AGBL4: variants seen among roughly 807,000 people sequenced by gnomAD.
AGBL4 encodes cytosolic carboxypeptidase 6.
AGBL4 carries 58 observed loss-of-function variants against 66.4 expected under a neutral mutation model. That is an observed-to-expected ratio of 0.87 (90% confidence interval 0.71 to 1.09). The LOEUF (loss-of-function observed/expected upper bound fraction) is 1.09. Ranked by LOEUF, AGBL4 falls within the 50% of genes least tolerant of loss-of-function variation. The pLI is 0.00. For synonymous variants in AGBL4, 234 were observed against 222.9 expected (o/e 1.05, Z -0.44); for missense variants, 579 against 631.0 (o/e 0.92, Z 0.88).
chr1:48,618,478 C>T (rs1645355839), intron 9 of AGBL4, among the ~76,000 whole-genome samples: 1 of 152,132 alleles, frequency 6.6e-6, no homozygotes, highest in Non-Finnish European at 1.5e-5. Flanking sequence ...CATTGCCCTG[C>T]CCTGGGCTGA....
chr1:49,075,979 T>G (rs1644702091), intron 4 of AGBL4, among the ~76,000 whole-genome samples: 1 of 152,208 alleles, frequency 6.6e-6, no homozygotes, highest in Non-Finnish European at 1.5e-5. Flanking sequence ...GTGATGATTA[T>G]TCACAGAAAA....
At chr1:49,801,089 A>T (rs1286207497) in intron 2 of AGBL4, among the ~76,000 whole-genome samples, 1 of 152,168 alleles carries the variant, frequency 6.6e-6, no homozygotes, top group African/African-American at 2.4e-5. Flanking sequence ...CAGCCAAAAA[A>T]CACATGAAAA....
chr1:49,085,686 G>C, intron 4 of AGBL4, among the ~76,000 whole-genome samples: 1 of 152,022 alleles, frequency 6.6e-6, no homozygotes, highest in East Asian at 2.0e-4. Context: ...GACTGTCTGG[G>C]CTCAGTGCTG....
chr1:49,912,819 C>T (rs1207216558), intron 1 of AGBL4, among the ~76,000 whole-genome samples: 1 of 152,038 alleles, frequency 6.6e-6, no homozygotes, highest in Non-Finnish European at 1.5e-5. Context: ...GAGGATAATT[C>T]CACAACAAAA....
At chr1:48,731,943 G>A (rs1256096661) in intron 6 of AGBL4, among the ~76,000 whole-genome samples, 1 of 152,192 alleles carries the variant, frequency 6.6e-6, no homozygotes, top group African/African-American at 2.4e-5. Context: ...GAGTCTGGAA[G>A]CTGCCAGAGT....
chr1:49,036,551 T>C (rs769207325), intron 5 of AGBL4, among the ~76,000 whole-genome samples: 1 of 152,010 alleles, frequency 6.6e-6, no homozygotes, highest in Non-Finnish European at 1.5e-5. Context: ...AGTCAGTGTC[T>C]TGATATGATT....
At chr1:49,755,869 A>G (rs990913379) in intron 2 of AGBL4, among the ~76,000 whole-genome samples, 5 of 152,192 alleles carry the variant, frequency 3.3e-5, no homozygotes, top group African/African-American at 1.2e-4. Flanking sequence ...ATGCAAACTT[A>G]ACTATGTCAC....
intron 3 of AGBL4, among the ~76,000 whole-genome samples, chr1:49,589,858 C>A (rs926950376): frequency 6.6e-6 from 1 of 151,978 alleles, no homozygotes; most frequent in Non-Finnish European, 1.5e-5. Flanking sequence ...AAAAACTTCA[C>A]CCTTCCTTAT....
chr1:49,955,520 T>A (rs900263842), intron 1 of AGBL4, among the ~76,000 whole-genome samples: 44 of 151,924 alleles, frequency 2.9e-4, no homozygotes, highest in Middle Eastern at 3.2e-3. Context: ...TATATTCTAA[T>A]GAGATCTAAT....
At chr1:48,748,465 T>A (rs1243028381) in intron 6 of AGBL4, among the ~76,000 whole-genome samples, 1 of 152,150 alleles carries the variant, frequency 6.6e-6, no homozygotes, top group Non-Finnish European at 1.5e-5. Context: ...CCACCAGCCA[T>A]GTGGCTAACA....
intron 6 of AGBL4, among the ~76,000 whole-genome samples, chr1:48,820,287 T>C (rs1289903131): frequency 2.0e-5 from 3 of 152,124 alleles, no homozygotes; most frequent in Non-Finnish European, 4.4e-5. Context: ...CAGAGACCTA[T>C]AACTGGTACA....
intron 1 of AGBL4, among the ~76,000 whole-genome samples, chr1:49,900,307 G>A (rs187873605): frequency 2.5e-3 from 375 of 151,894 alleles, no homozygotes; most frequent in Non-Finnish European, 4.5e-3. Flanking sequence ...GTGCAATGGC[G>A]CAGTCTCGGC....
chr1:48,628,788 A>C (rs1206810245), intron 9 of AGBL4, among the ~76,000 whole-genome samples: 3 of 151,278 alleles, frequency 2.0e-5, no homozygotes, highest in Non-Finnish European at 2.9e-5. Context: ...GACCAGTACA[A>C]ATGCAGATTT....
chr1:49,419,928 C>A (rs565062221), intron 3 of AGBL4, among the ~76,000 whole-genome samples: 69 of 152,242 alleles, frequency 4.5e-4, no homozygotes, highest in African/African-American at 1.6e-3. Flanking sequence ...CTTGAACCAA[C>A]AGCATCAGCA....
intron 6 of AGBL4, chr1:48,727,872 G>GA: frequency 1.3e-6 from 2 of 1,598,624 alleles, no homozygotes; most frequent in Non-Finnish European, 1.7e-6. Flanking sequence ...AAAGCTTTAT[G>GA]AAAAATCCAA....
chr1:49,791,842 T>G (rs973631702), intron 2 of AGBL4, among the ~76,000 whole-genome samples: 4 of 152,138 alleles, frequency 2.6e-5, no homozygotes, highest in African/African-American at 9.6e-5. Context: ...TATATGTGTG[T>G]TCATTAATTT....
At chr1:49,576,280 G>A (rs1000335466) in intron 3 of AGBL4, among the ~76,000 whole-genome samples, 2 of 152,202 alleles carry the variant, frequency 1.3e-5, no homozygotes, top group Admixed American at 1.3e-4. Flanking sequence ...GTCCAGAACA[G>A]GAGAAGGCTC....
intron 11 of AGBL4, among the ~76,000 whole-genome samples, chr1:48,539,997 AGC>A (rs1176670149): frequency 6.6e-6 from 1 of 152,132 alleles, no homozygotes; most frequent in Non-Finnish European, 1.5e-5. Flanking sequence ...GAAAAGGAGG[AGC>A]CAGGATATGA....
At chr1:49,665,077 T>C (rs1308719957) in intron 3 of AGBL4, among the ~76,000 whole-genome samples, 2 of 152,146 alleles carry the variant, frequency 1.3e-5, no homozygotes, top group African/African-American at 2.4e-5. Flanking sequence ...TCACAACCTA[T>C]TGTTTGAAAT....
Sources: allele counts gnomAD v4.1 joint callset (sites outside exome capture counted in the v4.1 genomes callset), GRCh38; gene constraint gnomAD v4.1.1; transcripts MANE v1.5; gene names NCBI Gene and HGNC (gene_info 2026-07-23, HGNC 2026-07-21).